Variants in ARHGEF12 observed in about 807,000 individuals in gnomAD.
ARHGEF12 encodes KMT2A/ARHGEF12 fusion protein.
ARHGEF12 carries 66 observed loss-of-function variants against 211.2 expected under a neutral mutation model. The observed-to-expected ratio is 0.31, with a 90% confidence interval of 0.26 to 0.38. The LOEUF (loss-of-function observed/expected upper bound fraction) is 0.38, where lower values mean the gene tolerates loss of function less well. Ranked by LOEUF, ARHGEF12 falls within the 10% of genes least tolerant of loss-of-function variation. The probability of loss-of-function intolerance (pLI) is 1.00; values close to 1 mark genes in which losing one functional copy is unlikely to be tolerated. For synonymous variants in ARHGEF12, 592 were observed against 638.4 expected (o/e 0.93, Z 1.09); for missense variants, 1,429 against 1,869.5 (o/e 0.76, Z 4.34).
At chr11:120,446,683 G>C (rs538504067) in intron 17 of ARHGEF12, among the ~76,000 whole-genome samples, 175 bp downstream of exon 17, 4 of 152,276 alleles carry the variant, frequency 2.6e-5, no homozygotes, top group Admixed American at 1.3e-4. Context: ...TGAGAGTCCA[G>C]ACTCTCCATT....
chr11:120,357,700 A>G (rs1943167498), intron 1 of ARHGEF12, among the ~76,000 whole-genome samples: 1 of 152,040 alleles, frequency 6.6e-6, no homozygotes, highest in South Asian at 2.1e-4. Context: ...CTCCCAAAAT[A>G]CTGGAATTAC....
intron 22 of ARHGEF12, among the ~76,000 whole-genome samples, chr11:120,452,954 C>A (rs1055133640): frequency 1.3e-5 from 2 of 149,576 alleles, no homozygotes; most frequent in Non-Finnish European, 3.0e-5. Context: ...GAGCCAAGAT[C>A]GTGCCAATGC....
Position 120,449,218 on chromosome 11 carries a change from T to G in ARHGEF12, c.1843+4T>G. The G allele has an allele frequency of 1.2e-6, 2 of 1,612,410 alleles. No homozygotes were observed. Among genetic ancestry groups the G allele is most frequent in the Non-Finnish European group, 1.7e-6 (2 of 1,178,766 alleles). On this transcript the variant is annotated splice_donor_region_variant and intron_variant, in intron 21 of 40. Coordinates refer to ENST00000397843, the MANE Select transcript of ARHGEF12 (RefSeq NM_015313.3). The stretch of plus-strand genomic sequence containing the variant: ...AGCCGTCATGACAACAGTGCAAGTA[T>G]GTTGAAGTTTGAAGTGCTGCATTTT...
rs978269756 is a variant in ARHGEF12 at position 120,486,887 on chromosome 11, T to A, written c.*1810T>A. 4.7e-6 allele frequency: 1 copy of A among 211,720 alleles called. No individual in the cohort carries two copies. 13.1% of individuals were successfully genotyped at this position (211,720 alleles called of 1,614,324 possible). On this transcript the variant is annotated 3_prime_UTR_variant, in exon 41 of 41. Coordinates refer to ENST00000397843, the MANE Select transcript of ARHGEF12 (RefSeq NM_015313.3). ...CTCATCTATAAATTGAAATTATATT[T>A]TTAGTCATAAGCCAAGTACAATCTA...
At chr11:120,427,670 T>TA (rs373197231) in intron 7 of ARHGEF12, among the ~76,000 whole-genome samples, 2,880 of 142,272 alleles carry the variant, frequency 0.02, 45 homozygotes, top group Middle Eastern at 0.047. Flanking sequence ...AGACCCTAAT[T>TA]AAAAAAAAAA....
In ARHGEF12 at chr11:120,484,476, G is replaced by A. The variant is rs760135472; in HGVS notation, c.4593G>A (p.Leu1531=). ...EESYTILCQR[L]AGSALTDKHS... ...GTTACACCATTCTTTGCCAAAGGCT[G>A]GCTGGATCAGCCCTCACAGACAAGC... The change falls in exon 40 of 41, where the codon CTG becomes CTA. Residue 1531 remains leucine, a synonymous_variant. Coordinates refer to ENST00000397843, the MANE Select transcript of ARHGEF12 (RefSeq NM_015313.3). 1.9e-6 allele frequency: 3 copies of A among 1,614,106 alleles called. No individual in the cohort carries two copies. The highest frequency in any genetic ancestry group is 2.5e-6 in the Non-Finnish European group (3 of 1,180,026).
intron 19 of ARHGEF12, 129 bp downstream of exon 19, chr11:120,448,035 T>TAATA: frequency 1.4e-5 from 12 of 828,174 alleles, no homozygotes; most frequent in Non-Finnish European, 2.2e-5. Flanking sequence ...CTCTGGTGGC[T>TAATA]TGTATGTTAT....
intron 30 of ARHGEF12, among the ~76,000 whole-genome samples, chr11:120,472,073 ACT>A (rs1285409624): frequency 1.3e-5 from 2 of 152,088 alleles, no homozygotes; most frequent in Non-Finnish European, 2.9e-5. Context: ...AAATGAAATA[ACT>A]CTCTATATGT....
intron 28 of ARHGEF12, 62 bp from the exon 29 acceptor site, chr11:120,467,132 A>T: frequency 9.3e-7 from 1 of 1,076,050 alleles, no homozygotes; most frequent in Non-Finnish European, 1.4e-6. Context: ...CACGGTGAAT[A>T]CATGGTACAT....
chr11:120,404,283 CT>C (rs1317807777), intron 1 of ARHGEF12, among the ~76,000 whole-genome samples: 1 of 152,138 alleles, frequency 6.6e-6, no homozygotes, highest in Non-Finnish European at 1.5e-5. Flanking sequence ...ATCTTGGTGA[CT>C]TTCCTAGCTG....
Position 120,429,789 on chromosome 11 carries a change from T to C in ARHGEF12, c.741T>C (p.Pro247=), listed in dbSNP as rs1308830149. 1 of 1,613,762 alleles carries C rather than the reference T, an allele frequency of 6.2e-7. No individual in the cohort carries two copies. Among genetic ancestry groups the C allele is most frequent in the Non-Finnish European group, 8.5e-7 (1 of 1,179,838 alleles). The change falls in exon 10 of 41, where the codon CCT becomes CCC. Residue 247 remains proline, a synonymous_variant. Coordinates refer to ENST00000397843, the MANE Select transcript of ARHGEF12 (RefSeq NM_015313.3). ...TCCAAGAGGCCAAGAAACACATTCCTCAGCTGCAAGAGCAGTTATCCAAAG... is the reference window on the plus strand; with the variant it reads ...TCCAAGAGGCCAAGAAACACATTCCCCAGCTGCAAGAGCAGTTATCCAAAG... The part of the protein sequence containing the change: ...KEIQEAKKHI[P]QLQEQLSKAT...
chr11:120,345,859 T>A (rs1320577556), intron 1 of ARHGEF12, among the ~76,000 whole-genome samples: 1 of 152,130 alleles, frequency 6.6e-6, no homozygotes, highest in East Asian at 1.9e-4. Context: ...TCTTCAAGGG[T>A]ATAAGAATAG....
At chr11:120,385,620 CATT>C (rs1944007026) in intron 1 of ARHGEF12, 1 of 437,682 alleles carries the variant, frequency 2.3e-6, no homozygotes, top group Non-Finnish European at 3.0e-6. Context: ...TTACATTGTT[CATT>C]ATTATTTCTC....
chr11:120,441,308 A>G (rs1368081317), intron 13 of ARHGEF12, among the ~76,000 whole-genome samples: 1 of 152,188 alleles, frequency 6.6e-6, no homozygotes, highest in Non-Finnish European at 1.5e-5. Flanking sequence ...ACTTAAAATC[A>G]TACAACTTCA....
At chr11:120,398,030 A>G (rs115215137) in intron 1 of ARHGEF12, among the ~76,000 whole-genome samples, 6,453 of 152,242 alleles carry the variant, frequency 0.042, 448 homozygotes, top group African/African-American at 0.15. Flanking sequence ...GGACATAAAG[A>G]AAGTGAGACA....
At chr11:120,392,985 A>G (rs1184806916) in intron 1 of ARHGEF12, among the ~76,000 whole-genome samples, 1 of 152,218 alleles carries the variant, frequency 6.6e-6, no homozygotes, top group Non-Finnish European at 1.5e-5. Flanking sequence ...GAGGAATAGT[A>G]GATAACTGAA....
chr11:120,343,236 T>C (rs1358120806), intron 1 of ARHGEF12, among the ~76,000 whole-genome samples: 1 of 152,268 alleles, frequency 6.6e-6, no homozygotes, highest in Non-Finnish European at 1.5e-5. Context: ...ATATTTTCTT[T>C]AGTACTATTT....
intron 21 of ARHGEF12, chr11:120,451,048 GTA>G (rs1443797931): frequency 1.3e-5 from 2 of 152,782 alleles, no homozygotes; most frequent in Non-Finnish European, 2.9e-5. Flanking sequence ...CTGTCTGTCT[GTA>G]TGTTTCTCTG....
Position 120,478,234 on chromosome 11 carries a change from A to G in ARHGEF12, c.3611A>G (p.Glu1204Gly). 1 of 1,614,180 alleles carries G rather than the reference A, an allele frequency of 6.2e-7. No homozygotes were observed. Among genetic ancestry groups the G allele is most frequent in the Non-Finnish European group, 8.5e-7 (1 of 1,180,034 alleles). Residue 1204 changes from glutamate (E) to glycine (G), a missense_variant, in exon 37 of 41, where the codon GAG becomes GGG. Around this residue, in one of 7 missense-constraint regions of ARHGEF12, gnomAD observed 467 missense variants for 468.4 expected, o/e 1.00. Transcript: ENST00000397843. ...SHSLSTSGKSEVRDLFVAERQ... is the reference protein window; with the variant it reads ...SHSLSTSGKSGVRDLFVAERQ... ...TCACTGAGTACCTCTGGGAAATCAGAGGTACGTGATCTGTTTGTGGCTGAG... is the reference window on the plus strand; with the variant it reads ...TCACTGAGTACCTCTGGGAAATCAGGGGTACGTGATCTGTTTGTGGCTGAG...
Sources: allele counts gnomAD v4.1 joint callset (sites outside exome capture counted in the v4.1 genomes callset), GRCh38; gene constraint gnomAD v4.1.1; regional missense constraint gnomAD v4.1.1; transcripts MANE v1.5; gene names NCBI Gene and HGNC (gene_info 2026-07-23, HGNC 2026-07-21).